Variants in COL5A3 observed in about 807,000 individuals in gnomAD.
COL5A3 encodes collagen type V alpha 3 chain, also known as collagen alpha-3(V) chain.
In COL5A3, 172 loss-of-function variants were observed where a neutral mutation model predicts 250.0. The ratio of observed to expected loss-of-function variants is 0.69; its 90% CI spans 0.61 to 0.78. The LOEUF is 0.78. Ranked by LOEUF, COL5A3 falls within the 30% of genes least tolerant of loss-of-function variation. COL5A3 has a pLI of 0.00. For missense variants in COL5A3, 2,340 were observed against 2,334.4 expected (o/e 1.00, Z -0.05); for synonymous variants, 937 against 900.4 (o/e 1.04, Z -0.73).
At chr19:9,997,153 GA>G in intron 11 of COL5A3, 1 of 600,532 alleles carries the variant, frequency 1.7e-6, no homozygotes, top group Non-Finnish European at 3.0e-6. Context: ...CAGAAACAGA[GA>G]CAGGCAAAAG....
chr19:9,991,492 T>A, intron 24 of COL5A3, 118 bp downstream of exon 24: 1 of 808,780 alleles, frequency 1.2e-6, no homozygotes, highest in Non-Finnish European at 1.9e-6. Context: ...GCTTAGGGAA[T>A]GTTGCAGTCT....
rs1036690731 is a variant in COL5A3, at chr19:10,009,180, G to T, written c.88+1118C>A. 5.3e-5 allele frequency among the ~76,000 whole-genome samples: 8 copies of T among 151,510 alleles called. No individual in the cohort carries two copies. In the South Asian group the frequency reaches 6.3e-4, roughly 12 times the overall value. On this transcript the variant is annotated intron_variant, in intron 1 of 66. Transcript: ENST00000264828. The surrounding 1 kb of genome is among the most constrained non-coding windows in gnomAD (Gnocchi z 4.4). ...TGCTGTGGTGTGTGTGTGTGTGTGT[G>T]TGTGTGTGTGTGTGTGTGTGTGTGT...
rs1013898620 is a variant in COL5A3 at position 9,989,363 on chromosome 19, G to C, written c.2050C>G (p.His684Asp). The change falls in exon 26 of 67, where the codon CAC (histidine) becomes GAC (aspartate). Residue 684 changes from histidine to aspartate, a missense_variant. Transcript: ENST00000264828. ...CCCGTGGGGCCCTCATGTCCTGGGT[G>C]ACCCTGGGGAAGAAACATTCTCAGT... ...GLPGSDGPLG[H>D]PGHEGPTGEK... is the part of the protein sequence containing the mutation. The C allele has an allele frequency of 6.2e-7, 1 of 1,614,154 alleles. No individual in the cohort carries two copies. Among genetic ancestry groups the C allele is most frequent in the Admixed American group, 1.7e-5 (1 of 60,014 alleles).
intron 64 of COL5A3, among the ~76,000 whole-genome samples, chr19:9,964,522 T>C (rs1292698863): frequency 1.3e-5 from 2 of 152,088 alleles, no homozygotes; most frequent in Admixed American, 6.6e-5. Flanking sequence ...GGAGGATCAT[T>C]GAACCCAGGA....
rs1273992908 is a variant in COL5A3, at chr19:10,006,001, G to C, written c.248-16C>G. 1 of 1,611,954 alleles carries C rather than the reference G, an allele frequency of 6.2e-7. No homozygotes were observed. On this transcript the variant is annotated splice_polypyrimidine_tract_variant and intron_variant, in intron 2 of 66. Transcript: ENST00000264828. Reference sequence around the variant, plus strand: ...AAGTGGCCTTCTGGGTGGGCAGAGGGAACAAGGCAGCTCAGAGGGCCCAGC... The same window carrying C: ...AAGTGGCCTTCTGGGTGGGCAGAGGCAACAAGGCAGCTCAGAGGGCCCAGC...
Position 9,981,229 on chromosome 19 carries a change from G to T in COL5A3, c.2461-97C>A, listed in dbSNP as rs947276572. ...CACCCAGTCACAGACCCAGAAAGCT[G>T]TCTGCCACATATTTATTCACAAGCT... is the stretch of plus-strand genomic sequence containing the variant. On this transcript the variant is annotated intron_variant, in intron 32 of 66. Transcript: ENST00000264828. 4.7e-6 allele frequency: 5 copies of T among 1,057,954 alleles called. No individual in the cohort carries two copies. In the African/African-American group the frequency reaches 6.2e-5, roughly 13 times the overall value. 65.5% of individuals were successfully genotyped at this position (1,057,954 alleles called of 1,614,324 possible).
At chr19:10,007,358 G>T (rs749183779) in intron 1 of COL5A3, among the ~76,000 whole-genome samples, 1 of 152,064 alleles carries the variant, frequency 6.6e-6, no homozygotes, top group East Asian at 1.9e-4. Context: ...AGCTGTCTCC[G>T]ATAACCTCCA....
At position 10,003,741 on chromosome 19, in the gene COL5A3, A is replaced by G. The variant is rs373591015; in HGVS notation, c.700-27T>C. ...TGGGAGAAGGGTTCCAGTCAGGTCTAGAGCATCCCACCAGCAGAGACCCCA... is the reference window on the plus strand; with the variant it reads ...TGGGAGAAGGGTTCCAGTCAGGTCTGGAGCATCCCACCAGCAGAGACCCCA... On this transcript the variant is annotated intron_variant, in intron 5 of 66. Coordinates refer to ENST00000264828, the MANE Select transcript of COL5A3 (RefSeq NM_015719.4). 9.9e-6 allele frequency: 16 copies of G among 1,613,078 alleles called. No homozygotes were observed. In the African/African-American group the frequency reaches 1.5e-4, roughly 15 times the overall value.
intron 41 of COL5A3, among the ~76,000 whole-genome samples, chr19:9,977,942 CTATACATATATATATATATATATATA>C (rs1568414070): frequency 1.0e-4 from 9 of 89,680 alleles, no homozygotes; most frequent in South Asian, 3.2e-4. Context: ...TCCTGGCAGC[CTATACATATATATATATATATATATA>C]TATATATATA....
intron 34 of COL5A3, 43 bp from the exon 35 acceptor site, chr19:9,980,735 A>G (rs201583286): frequency 1.2e-6 from 2 of 1,613,984 alleles, no homozygotes; most frequent in East Asian, 2.2e-5. Context: ...AACAAACTCA[A>G]CTGGGAAGAA....
At chr19:9,972,884 T>A in intron 51 of COL5A3, 35 bp downstream of exon 51, 1 of 1,448,196 alleles carries the variant, frequency 6.9e-7, no homozygotes, top group South Asian at 1.3e-5. Flanking sequence ...AAGTGCCCCC[T>A]CCCATGTCTG....
At chr19:9,980,512 C>G in intron 35 of COL5A3, 136 bp downstream of exon 35, 10 of 1,297,128 alleles carry the variant, frequency 7.7e-6, no homozygotes, top group Non-Finnish European at 1.1e-5. Flanking sequence ...CAGGCGTGCA[C>G]CACCACACCC....
intron 20 of COL5A3, 58 bp downstream of exon 20, chr19:9,992,965 G>A: frequency 1.2e-6 from 2 of 1,607,960 alleles, no homozygotes; most frequent in Non-Finnish European, 8.5e-7. Flanking sequence ...TGGGGCCCTG[G>A]GAGTCCTGAC....
chr19:9,962,838 GTGCTATA>G lies in COL5A3; in HGVS notation c.4825_4831del (p.Tyr1609HisfsTer18). ...ACTCACCTTCTTCCCTCGACGGAAT[GTGCTATA>G]CCAGCCTCCAGGCTTTTCCTTGGAC... On this transcript the variant is annotated frameshift_variant, in exon 65 of 67. Transcript: ENST00000264828. LOFTEE classifies it high-confidence loss of function. 6.2e-7 allele frequency: 1 copy of G among 1,611,300 alleles called. No individual in the cohort carries two copies. Among genetic ancestry groups the G allele is most frequent in the Non-Finnish European group, 8.5e-7 (1 of 1,178,706 alleles).
chr19:9,959,703 G>GA lies in COL5A3; in HGVS notation c.*707dup, dbSNP rs780159683. The GA allele has an allele frequency of 4.6e-5, 7 of 152,562 alleles. No individual in the cohort carries two copies. Among genetic ancestry groups the GA allele is most frequent in the Admixed American group, 1.3e-4 (2 of 15,248 alleles). The allele number at this position is 152,562 out of a possible 1,614,324, so 9.5% of individuals were successfully genotyped here. Reference sequence around the variant, plus strand: ...AGCAGATGAAATCTACAACAGGGGGGACTTTCCCTTTTAATACAGACCCAG... The same window carrying GA: ...AGCAGATGAAATCTACAACAGGGGGGAACTTTCCCTTTTAATACAGACCCAG... On this transcript the variant is annotated 3_prime_UTR_variant, in exon 67 of 67. Coordinates refer to ENST00000264828, the MANE Select transcript of COL5A3 (RefSeq NM_015719.4).
intron 31 of COL5A3, among the ~76,000 whole-genome samples, chr19:9,983,841 C>G (rs2087056553): frequency 7.4e-6 from 1 of 135,492 alleles, no homozygotes; most frequent in African/African-American, 2.9e-5. Flanking sequence ...GTTTTTTTCT[C>G]AATCGTTAAA....
At chr19:9,999,077 T>TC (rs1337192163) in intron 8 of COL5A3, among the ~76,000 whole-genome samples, 1 of 151,992 alleles carries the variant, frequency 6.6e-6, no homozygotes, top group African/African-American at 2.4e-5. Flanking sequence ...CTTTCTTTTT[T>TC]CTTTTTTTTC....
intron 40 of COL5A3, 36 bp downstream of exon 40, chr19:9,978,855 T>A: frequency 1.5e-6 from 2 of 1,299,034 alleles, no homozygotes; most frequent in Non-Finnish European, 2.1e-6. Flanking sequence ...TTTCCTTCTC[T>A]AAGGGACATG....
rs1030883207 is a variant in COL5A3, at chr19:9,959,618, G to T, written c.*793C>A. ...TGCAAATTATGCCCTATGGCCTGGC[G>T]GTGGGGGGCCAGGCTTGGGCTGGAA... is the stretch of plus-strand genomic sequence containing the variant. On this transcript the variant is annotated 3_prime_UTR_variant, in exon 67 of 67. Coordinates refer to ENST00000264828, the MANE Select transcript of COL5A3 (RefSeq NM_015719.4). The T allele has an allele frequency of 6.5e-6, 1 of 152,674 alleles. No homozygotes were observed. The highest frequency in any genetic ancestry group is 2.4e-5 in the African/African-American group (1 of 41,442). The allele number at this position is 152,674 out of a possible 1,614,324, so 9.5% of individuals were successfully genotyped here. A position where few individuals can be genotyped will look rare whatever the true frequency, so the allele number is the denominator to read the frequency against.
Sources: allele counts gnomAD v4.1 joint callset (sites outside exome capture counted in the v4.1 genomes callset), GRCh38; gene constraint gnomAD v4.1.1; non-coding constraint Gnocchi (gnomAD v3.1); transcripts MANE v1.5; gene names NCBI Gene and HGNC (gene_info 2026-07-23, HGNC 2026-07-21).